The following MPND variants were observed in gnomAD, a reference collection of about 807,000 sequenced individuals.
The protein encoded by MPND is MPN domain-containing protein.
In MPND, 56 loss-of-function variants were observed where a neutral mutation model predicts 59.2. That is an observed-to-expected ratio of 0.95 (90% CI 0.76 to 1.18). The LOEUF is 1.18. Ranked by LOEUF, MPND falls within the 50% of genes most tolerant of loss-of-function variation. The pLI, the probability that MPND is intolerant of heterozygous loss-of-function variation, is 0.00. For missense variants in MPND, 671 were observed against 676.0 expected, an observed-to-expected ratio of 0.99 and a Z score of 0.08; for synonymous variants, 323 against 291.9, an observed-to-expected ratio of 1.11 and a Z score of -1.09.
chr19:4,347,887 GTT>G (rs931842889), intron 3 of MPND: 1 of 152,518 alleles, frequency 6.6e-6, no homozygotes, highest in Non-Finnish European at 1.4e-5. Context: ...TCCATATTGT[GTT>G]TTTTTTTGTT....
chr19:4,357,297 G>T lies in MPND; in HGVS notation c.1041G>T (p.Trp347Cys). 6.8e-6 allele frequency: 11 copies of T among 1,612,798 alleles called. No individual in the cohort carries two copies. Among genetic ancestry groups the T allele is most frequent in the Non-Finnish European group, 8.5e-6 (10 of 1,179,774 alleles). Residue 347 changes from tryptophan to cysteine, a missense_variant, in exon 9 of 13, where the codon TGG becomes TGT. Transcript: ENST00000599840. ...TGCGGGGCCTGTCCCTGGTGGGCTG[G>T]TACCACAGCCACCCACACAGCCCGG... ...LFLRGLSLVG[W>C]YHSHPHSPAL...
chr19:4,359,854 G>C, intron 12 of MPND, 62 bp from the exon 13 acceptor site: 1 of 1,368,440 alleles, frequency 7.3e-7, no homozygotes, highest in Non-Finnish European at 1.0e-6. Flanking sequence ...ACGGTGGACT[G>C]TGAGGCGCAG....
Position 4,345,872 on chromosome 19 carries a change from C to G in MPND, c.422C>G (p.Ser141Trp), listed in dbSNP as rs766481455. Residue 141 changes from serine to tryptophan, a missense_variant, in exon 3 of 13, where the codon TCG becomes TGG. By Grantham distance (177) the Ser-to-Trp change is radical (BLOSUM62 -3). Transcript: ENST00000599840. Reference sequence around the variant, plus strand: ...AAGCTGGTGAACCCTGCCAAGAAGTCGGGCTGTGGCTGGGCCTCTGTCAAG... The same window carrying G: ...AAGCTGGTGAACCCTGCCAAGAAGTGGGGCTGTGGCTGGGCCTCTGTCAAG... ...CKKLVNPAKKSGCGWASVKYK... is the reference protein window; with the variant it reads ...CKKLVNPAKKWGCGWASVKYK... 6.2e-7 allele frequency: 1 copy of G among 1,614,020 alleles called. No homozygotes were observed. Among genetic ancestry groups the G allele is most frequent in the Non-Finnish European group, 8.5e-7 (1 of 1,180,018 alleles).
chr19:4,345,741 G>A lies in MPND; in HGVS notation c.295-4G>A. ...TGGGCCCAGCCAGCTGACTGTCACT[G>A]CAGGGGAAGAAGTTCCTGGGCGACC... On this transcript the variant is annotated splice_region_variant and splice_polypyrimidine_tract_variant and intron_variant, in intron 2 of 12. Coordinates refer to ENST00000599840, the MANE Select transcript of MPND (RefSeq NM_001300862.2). 1 of 1,613,682 alleles carries A rather than the reference G, an allele frequency of 6.2e-7. No homozygotes were observed. Among genetic ancestry groups the A allele is most frequent in the Non-Finnish European group, 8.5e-7 (1 of 1,179,808 alleles).
Position 4,359,993 on chromosome 19 carries a change from G to A in MPND, c.1497G>A (p.Gln499=), listed in dbSNP as rs1298657697. Residue 499 remains glutamine, a synonymous_variant, in exon 13 of 13, where the codon CAG becomes CAA. Transcript: ENST00000599840. ...VLEQVCGVLK[Q]GS is the part of the protein sequence containing the mutation. ...AACAGGTGTGCGGCGTCCTCAAGCA[G>A]GGGAGCTGAGCCTTCCAGGGCAGGG... 1.3e-6 allele frequency: 2 copies of A among 1,562,210 alleles called. No individual in the cohort carries two copies. Among genetic ancestry groups the A allele is most frequent in the Non-Finnish European group, 1.7e-6 (2 of 1,152,922 alleles).
intron 3 of MPND, among the ~76,000 whole-genome samples, chr19:4,349,710 CA>C (rs2144821882): frequency 6.6e-6 from 1 of 152,228 alleles, no homozygotes; most frequent in African/African-American, 2.4e-5. Context: ...GGGGTTTCAC[CA>C]TGTTGGCCAG....
intron 10 of MPND, 72 bp from the exon 11 acceptor site, chr19:4,358,011 C>CTGCCAATT (rs1353756510): frequency 9.1e-6 from 12 of 1,313,896 alleles, no homozygotes; most frequent in Non-Finnish European, 1.3e-5. Flanking sequence ...AGCCCGGGCA[C>CTGCCAATT]TGCCAATTGT....
intron 3 of MPND, among the ~76,000 whole-genome samples, chr19:4,351,131 TCTCG>T (rs2144824856): frequency 6.6e-6 from 1 of 152,162 alleles, no homozygotes; most frequent in Non-Finnish European, 1.5e-5. Flanking sequence ...GTAGACAGAG[TCTCG>T]CTCCGTCACC....
chr19:4,357,166 AG>A, intron 8 of MPND, 86 bp from the exon 9 acceptor site: 1 of 1,414,046 alleles, frequency 7.1e-7, no homozygotes, highest in Non-Finnish European at 9.4e-7. Flanking sequence ...GATACACAGC[AG>A]GAATTCGTTC....
chr19:4,350,746 G>A (rs1460622411), intron 3 of MPND, among the ~76,000 whole-genome samples: 2 of 152,174 alleles, frequency 1.3e-5, no homozygotes, highest in Non-Finnish European at 2.9e-5. Flanking sequence ...TGGAGACATA[G>A]AGAGGCAGCT....
rs1377614520 is a variant in MPND at position 4,352,941 on chromosome 19, G to A, written c.576G>A (p.Glu192=). 7 of 1,394,174 alleles carry A rather than the reference G, an allele frequency of 5.0e-6. No individual in the cohort carries two copies. The African/African-American group carries it at 8.8e-5, about 18-fold the overall frequency. 86.4% of individuals were successfully genotyped at this position (1,394,174 alleles called of 1,614,324 possible). A position where few individuals can be genotyped will look rare whatever the true frequency, so the allele number is the denominator to read the frequency against. The change falls in exon 4 of 13, where the codon GAG becomes GAA. Residue 192 remains glutamate (E), a synonymous_variant. Transcript: ENST00000599840. ...AGGAGGAGGAGTTGCTGATGGAAGA[G>A]GAGGAGGAGGACGTTCTGGCAGGGG... ...EGEEEELLME[E]EEEDVLAGVS...
chr19:4,345,619 C>A, intron 2 of MPND, 126 bp from the exon 3 acceptor site: 1 of 846,964 alleles, frequency 1.2e-6, no homozygotes, highest in Non-Finnish European at 1.9e-6. Flanking sequence ...TGCAGCCGGC[C>A]TGAGAGGTGT....
In MPND at chr19:4,345,762, C is replaced by T. The variant is rs780086574; in HGVS notation, c.312C>T (p.Gly104=). ...SIYYLGKKFL[G]DLQPDGRIMW... ...CACTGCAGGGGAAGAAGTTCCTGGG[C>T]GACCTGCAGCCAGACGGAAGGATCA... Residue 104 remains glycine (G), a synonymous_variant, in exon 3 of 13, where the codon GGC becomes GGT. Transcript: ENST00000599840. 5.0e-5 allele frequency: 81 copies of T among 1,613,664 alleles called. No homozygotes were observed. Among genetic ancestry groups the T allele is most frequent in the Non-Finnish European group, 5.8e-5 (69 of 1,179,916 alleles).
chr19:4,349,515 A>ATT (rs1010736379), intron 3 of MPND, among the ~76,000 whole-genome samples: 2 of 141,980 alleles, frequency 1.4e-5, no homozygotes, highest in African/African-American at 5.2e-5. Flanking sequence ...GAGTGGGTCT[A>ATT]TTTTTTTTTT....
rs375270571 is a variant in MPND at position 4,358,166 on chromosome 19, C to T, written c.1320C>T (p.His440=). The change falls in exon 11 of 13, where the codon CAC becomes CAT. Residue 440 remains histidine (H), a synonymous_variant. Transcript: ENST00000599840. The part of the protein sequence containing the change: ...QDSFLTNDIL[H]EMMLLVEFYK... Reference sequence around the variant, plus strand: ...GCTTCCTGACCAATGACATCCTTCACGAGATGGTGAGCTCGCTGCGGGGCG... The same window carrying T: ...GCTTCCTGACCAATGACATCCTTCATGAGATGGTGAGCTCGCTGCGGGGCG... The T allele has an allele frequency of 4.5e-6, 7 of 1,551,100 alleles. No homozygotes were observed. Among genetic ancestry groups the T allele is most frequent in the Admixed American group, 2.0e-5 (1 of 50,978 alleles).
intron 10 of MPND, 137 bp downstream of exon 10, chr19:4,357,722 T>C: frequency 2.4e-6 from 2 of 825,398 alleles, no homozygotes; most frequent in East Asian, 5.3e-5. Flanking sequence ...AATGGGGACG[T>C]GACTGCTGCC....
intron 5 of MPND, 83 bp from the exon 6 acceptor site, chr19:4,354,241 C>CT: frequency 6.7e-7 from 1 of 1,489,682 alleles, no homozygotes; most frequent in Non-Finnish European, 9.2e-7. Context: ...ATCCTCAGAG[C>CT]TGTGGGGTTG....
chr19:4,359,929 G>T lies in MPND; in HGVS notation c.1433G>T (p.Ser478Ile). ...CCCTCGTTTCAGATCTCCTTGGCCAGCAGGACGCCCAAGGACCAGAGCCTG... is the reference window on the plus strand; with the variant it reads ...CCCTCGTTTCAGATCTCCTTGGCCATCAGGACGCCCAAGGACCAGAGCCTG... ...YLDKLKISLA[S>I]RTPKDQSLCH... is the part of the protein sequence containing the mutation. Residue 478 changes from serine to isoleucine, a missense_variant, in exon 13 of 13, where the codon AGC becomes ATC. Physicochemically the swap from Ser to Ile is moderately radical, Grantham distance 142 (BLOSUM62 -2). Coordinates refer to ENST00000599840, the MANE Select transcript of MPND (RefSeq NM_001300862.2). The T allele has an allele frequency of 6.4e-7, 1 of 1,570,554 alleles. No homozygotes were observed. Among genetic ancestry groups the T allele is most frequent in the Non-Finnish European group, 8.6e-7 (1 of 1,157,548 alleles).
At chr19:4,351,099 G>A (rs1972306426) in intron 3 of MPND, among the ~76,000 whole-genome samples, 1 of 152,024 alleles carries the variant, frequency 6.6e-6, no homozygotes, top group South Asian at 2.1e-4. Flanking sequence ...TGGAGGAGAG[G>A]TTATTTTTAA....
Sources: gnomAD v4.1 joint callset for allele counts (sites outside exome capture counted in the v4.1 genomes callset) on GRCh38, gnomAD v4.1.1 for gene constraint, MANE v1.5 for transcripts, NCBI Gene and HGNC (gene_info 2026-07-23, HGNC 2026-07-21) for gene names.